The following CSNK1G1 variants were observed in gnomAD, a reference collection of about 807,000 sequenced individuals.
CSNK1G1 encodes casein kinase 1 gamma 1.
In CSNK1G1, 22 loss-of-function variants were observed where a neutral mutation model predicts 59.6. The ratio of observed to expected loss-of-function variants is 0.37; its 90% CI spans 0.26 to 0.53. The LOEUF (loss-of-function observed/expected upper bound fraction) is 0.53, where lower values mean the gene tolerates loss of function less well. Among genes scored for constraint, CSNK1G1 ranks in the 20% least tolerant of loss-of-function variants. The pLI is 0.89. For synonymous variants in CSNK1G1, 179 were observed against 177.1 expected, an observed-to-expected ratio of 1.01 and a Z score of -0.08; for missense variants, 384 against 519.5, an observed-to-expected ratio of 0.74 and a Z score of 2.54.
At chr15:64,352,447 C>CTTCTTTTTTTTTTTTTTTTTTTTTTTTTT (rs1566958699) in intron 1 of CSNK1G1, among the ~76,000 whole-genome samples, 16 of 89,430 alleles carry the variant, frequency 1.8e-4, no homozygotes, top group South Asian at 4.1e-4. Context: ...TTGAATTCTT[C>CTTCTTTTTTTTTTTTTTTTTTTTTTTTTT]TTTTTTTTTT....
At chr15:64,191,035 GCTCT>G (rs772309607) in intron 10 of CSNK1G1, among the ~76,000 whole-genome samples, 1 of 151,968 alleles carries the variant, frequency 6.6e-6, no homozygotes, top group South Asian at 2.1e-4. Flanking sequence ...TCTCATGAAT[GCTCT>G]CTGTTTTTGC....
intron 6 of CSNK1G1, among the ~76,000 whole-genome samples, chr15:64,211,053 T>C (rs2082243839): frequency 6.6e-6 from 1 of 152,168 alleles, no homozygotes; most frequent in Non-Finnish European, 1.5e-5. Context: ...ATGCTTCTTG[T>C]ACAGCCTGCA....
chr15:64,316,535 CAAAAAAAAAA>C (rs66620488), intron 1 of CSNK1G1, among the ~76,000 whole-genome samples: 4 of 94,106 alleles, frequency 4.3e-5, no homozygotes, highest in Admixed American at 1.2e-4. Context: ...GACTCTGTCT[CAAAAAAAAAA>C]AAAAAAAAAA....
intron 1 of CSNK1G1, among the ~76,000 whole-genome samples, chr15:64,320,410 G>A (rs1180965151): frequency 6.6e-6 from 1 of 151,894 alleles, no homozygotes; most frequent in African/African-American, 2.4e-5. Context: ...CGGGCACAGT[G>A]GCTCACGCCT....
intron 10 of CSNK1G1, among the ~76,000 whole-genome samples, chr15:64,186,892 C>T (rs150381743): frequency 0.043 from 6,550 of 151,852 alleles, 156 homozygotes; most frequent in South Asian, 0.077. Flanking sequence ...GGCGTGATCT[C>T]GGCTCACTGC....
chr15:64,172,932 A>T (rs1333216444), intron 11 of CSNK1G1, among the ~76,000 whole-genome samples: 1 of 152,178 alleles, frequency 6.6e-6, no homozygotes, highest in Admixed American at 6.5e-5. Flanking sequence ...GCAGGTGATG[A>T]GTGCTGTGGC....
At chr15:64,240,938 G>A (rs569485162) in intron 4 of CSNK1G1, among the ~76,000 whole-genome samples, 7 of 152,226 alleles carry the variant, frequency 4.6e-5, no homozygotes, top group African/African-American at 1.4e-4. Flanking sequence ...AAGTTGCGAT[G>A]ATTAACAGTA....
In CSNK1G1 at chr15:64,255,776, G is replaced by T. The variant is rs1034857940; in HGVS notation, c.222+3425C>A. 3.3e-5 allele frequency among the ~76,000 whole-genome samples: 5 copies of T among 152,266 alleles called. No homozygotes were observed. In the East Asian group the frequency reaches 7.7e-4, roughly 23 times the overall value. ...TAAGATATAGAATCCATTAATCAAA[G>T]AATTCAGAAGTTTCTCCGAAGTTGT... On this transcript the variant is annotated intron_variant, in intron 3 of 11. Transcript: ENST00000303052.
At chr15:64,189,480 T>G (rs1190106934) in intron 10 of CSNK1G1, 2 of 1,230,226 alleles carry the variant, frequency 1.6e-6, no homozygotes, top group African/African-American at 3.1e-5. Flanking sequence ...GTCCTAAGGC[T>G]CTACAAAAAT....
Position 64,279,842 on chromosome 15 carries a change from C to T in CSNK1G1, c.181+20477G>A, listed in dbSNP as rs193152804. On this transcript the variant is annotated intron_variant, in intron 2 of 11. Coordinates refer to ENST00000303052, the MANE Select transcript of CSNK1G1 (RefSeq NM_022048.5). ...CAAAAATTAGCCAGGCATGGTGGCA[C>T]GCACCTGTAGTCCCAGCTACTCGGG... Among the ~76,000 whole-genome samples, 255 of 151,790 alleles carry T rather than the reference C, an allele frequency of 1.7e-3. 2 individuals are homozygous for T. The highest frequency in any genetic ancestry group is 5.7e-3 in the African/African-American group (238 of 41,398).
chr15:64,339,960 TG>T (rs1897601091), intron 1 of CSNK1G1, among the ~76,000 whole-genome samples: 1 of 152,250 alleles, frequency 6.6e-6, no homozygotes, highest in East Asian at 1.9e-4. Flanking sequence ...ATTTTGATGT[TG>T]TTTTTTTAAT....
intron 10 of CSNK1G1, among the ~76,000 whole-genome samples, chr15:64,201,750 G>GTGTGTGTGTT (rs747607584): frequency 4.7e-4 from 50 of 106,344 alleles, no homozygotes; most frequent in African/African-American, 2.0e-3. Context: ...GTGTGTGTGT[G>GTGTGTGTGTT]TTTATATACT....
At chr15:64,326,837 C>G (rs2140450052) in intron 1 of CSNK1G1, among the ~76,000 whole-genome samples, 1 of 151,290 alleles carries the variant, frequency 6.6e-6, no homozygotes, top group African/African-American at 2.4e-5. Context: ...CGAGCCGAAG[C>G]AGGGCGAGGC....
chr15:64,257,677 C>T (rs1892458009), intron 3 of CSNK1G1, among the ~76,000 whole-genome samples: 1 of 152,050 alleles, frequency 6.6e-6, no homozygotes, highest in Admixed American at 6.6e-5. Context: ...TGTGTGCCAG[C>T]ATACCTGACT....
At chr15:64,269,802 CTATTTT>C (rs571319230) in intron 2 of CSNK1G1, among the ~76,000 whole-genome samples, 5 of 150,784 alleles carry the variant, frequency 3.3e-5, no homozygotes, top group Non-Finnish European at 4.4e-5. Context: ...CCTCTGATGG[CTATTTT>C]TATTTTTATT....
intron 1 of CSNK1G1, among the ~76,000 whole-genome samples, chr15:64,338,969 A>T (rs1897545811): frequency 6.6e-6 from 1 of 152,008 alleles, no homozygotes; most frequent in South Asian, 2.1e-4. Flanking sequence ...GTGAGCCAAG[A>T]TCACGCCACT....
chr15:64,194,482 T>C (rs2082012915), intron 10 of CSNK1G1, among the ~76,000 whole-genome samples: 1 of 151,352 alleles, frequency 6.6e-6, no homozygotes, highest in African/African-American at 2.4e-5. Flanking sequence ...AAAGCCACAA[T>C]ATATTTTTCT....
intron 10 of CSNK1G1, among the ~76,000 whole-genome samples, chr15:64,184,086 G>A (rs1008232468): frequency 6.6e-6 from 1 of 151,616 alleles, no homozygotes; most frequent in Non-Finnish European, 1.5e-5. Flanking sequence ...GGCGGATCAC[G>A]AGGTCAGGAG....
At chr15:64,272,440 A>G (rs1893368914) in intron 2 of CSNK1G1, among the ~76,000 whole-genome samples, 1 of 151,892 alleles carries the variant, frequency 6.6e-6, no homozygotes, top group Non-Finnish European at 1.5e-5. Context: ...GATGGTCTCA[A>G]TCTCCTGACC....
Sources: gnomAD v4.1 joint callset for allele counts (sites outside exome capture counted in the v4.1 genomes callset) on GRCh38, gnomAD v4.1.1 for gene constraint, MANE v1.5 for transcripts, NCBI Gene and HGNC (gene_info 2026-07-23, HGNC 2026-07-21) for gene names.